The following SPOCK1 variants were observed in gnomAD, a reference collection of about 807,000 sequenced individuals.
SPOCK1 encodes testican-1.
Under a neutral mutation model 55.3 loss-of-function variants are expected in SPOCK1, and 23 were observed. The ratio of observed to expected loss-of-function variants is 0.42; its 90% CI spans 0.30 to 0.59. SPOCK1 has a LOEUF of 0.59. Among genes scored for constraint, SPOCK1 ranks in the 20% least tolerant of loss-of-function variants. SPOCK1 has a pLI of 0.22. For synonymous variants in SPOCK1, 226 were observed against 221.0 expected, an observed-to-expected ratio of 1.02 and a Z score of -0.20; for missense variants, 499 against 552.5, an observed-to-expected ratio of 0.90 and a Z score of 0.97.
chr5:137,318,842 A>G (rs1185720397), intron 2 of SPOCK1, among the ~76,000 whole-genome samples: 1 of 152,192 alleles, frequency 6.6e-6, no homozygotes, highest in Non-Finnish European at 1.5e-5. Flanking sequence ...ATCCCAAGAC[A>G]TGCTGCTGAG....
At chr5:137,488,062 T>C (rs982601798) in intron 2 of SPOCK1, among the ~76,000 whole-genome samples, 3 of 152,210 alleles carry the variant, frequency 2.0e-5, no homozygotes, top group African/African-American at 4.8e-5. Context: ...AAATACAGTC[T>C]GAGAACTACC....
Position 137,198,508 on chromosome 5 carries a change from G to C in SPOCK1, c.233-57814C>G, listed in dbSNP as rs544049804. On this transcript the variant is annotated intron_variant, in intron 3 of 10. Transcript: ENST00000394945. ...TTTCAAAAAATACTGGCTAATAACA[G>C]AAAGATTGTTTCTTGTTGCATTTTT... Among the ~76,000 whole-genome samples the C allele has an allele frequency of 2.0e-5, 3 of 152,320 alleles. No individual in the cohort carries two copies. In the East Asian group the frequency reaches 5.8e-4, roughly 29 times the overall value.
intron 3 of SPOCK1, among the ~76,000 whole-genome samples, chr5:137,230,172 C>T (rs1365321399): frequency 6.6e-6 from 1 of 152,188 alleles, no homozygotes; most frequent in East Asian, 1.9e-4. Flanking sequence ...ACTGAGTGCA[C>T]GTAAGATGCA....
chr5:137,478,403 C>CA (rs1159513900), intron 2 of SPOCK1, among the ~76,000 whole-genome samples: 2 of 151,982 alleles, frequency 1.3e-5, no homozygotes, highest in Admixed American at 6.6e-5. Flanking sequence ...ATTGGTATCC[C>CA]AAAAAGGTGA....
rs1312327781 is a variant in SPOCK1 at position 136,977,499 on chromosome 5, G to A, written c.*1155C>T. The stretch of plus-strand genomic sequence containing the variant: ...AGAAAGGGAGTAAAAGCAAAACATT[G>A]AGTTCAGAATTAGAAATTTTCTTCT... On this transcript the variant is annotated 3_prime_UTR_variant, in exon 11 of 11. Transcript: ENST00000394945. 7.3e-6 allele frequency: 2 copies of A among 273,000 alleles called. No homozygotes were observed. Among genetic ancestry groups the A allele is most frequent in the Non-Finnish European group, 1.4e-5 (2 of 147,360 alleles). The allele number at this position is 273,000 out of a possible 1,614,324, so 16.9% of individuals were successfully genotyped here.
chr5:137,081,327 T>C (rs1752874705), intron 5 of SPOCK1, among the ~76,000 whole-genome samples: 1 of 152,204 alleles, frequency 6.6e-6, no homozygotes, highest in African/African-American at 2.4e-5. Context: ...AGCAGATTTT[T>C]AAAGTGATAG....
intron 3 of SPOCK1, among the ~76,000 whole-genome samples, chr5:137,152,013 G>T (rs776392483): frequency 2.1e-4 from 32 of 152,072 alleles, no homozygotes; most frequent in Non-Finnish European, 4.3e-4. Flanking sequence ...GGTTCCCAAG[G>T]TTATTAAATT....
intron 6 of SPOCK1, among the ~76,000 whole-genome samples, chr5:137,019,165 T>C (rs1056062179): frequency 6.6e-6 from 1 of 152,192 alleles, no homozygotes; most frequent in African/African-American, 2.4e-5. Flanking sequence ...TAAAATCATT[T>C]TGATTATGGG....
intron 5 of SPOCK1, among the ~76,000 whole-genome samples, chr5:137,086,002 A>C (rs1285969491): frequency 6.6e-6 from 1 of 152,196 alleles, no homozygotes; most frequent in African/African-American, 2.4e-5. Context: ...ACTAGAGGTA[A>C]TAGTACCTAT....
intron 2 of SPOCK1, among the ~76,000 whole-genome samples, chr5:137,462,898 G>C (rs1030143983): frequency 6.6e-6 from 1 of 152,172 alleles, no homozygotes. Flanking sequence ...GCTTCACTGA[G>C]AACAGCAAGT....
intron 8 of SPOCK1, among the ~76,000 whole-genome samples, chr5:136,987,289 T>C (rs1302082299): frequency 6.6e-6 from 1 of 151,956 alleles, no homozygotes; most frequent in Non-Finnish European, 1.5e-5. Flanking sequence ...TGGGAAAAAA[T>C]ATTTACAATA....
At chr5:137,327,279 A>G (rs778817974) in intron 2 of SPOCK1, among the ~76,000 whole-genome samples, 1 of 152,248 alleles carries the variant, frequency 6.6e-6, no homozygotes, top group Non-Finnish European at 1.5e-5. Context: ...TGTAGTTATT[A>G]TCATTGGGTA....
At chr5:137,464,710 CA>C (rs1323755488) in intron 2 of SPOCK1, among the ~76,000 whole-genome samples, 11 of 152,084 alleles carry the variant, frequency 7.2e-5, no homozygotes, top group Non-Finnish European at 1.5e-4. Flanking sequence ...AAGAGGAACT[CA>C]GGTCTGCACA....
intron 6 of SPOCK1, among the ~76,000 whole-genome samples, chr5:137,035,731 C>CTG (rs558290108): frequency 2.0e-3 from 310 of 152,314 alleles, no homozygotes; most frequent in Admixed American, 3.1e-3. Context: ...CAAGCTGGAG[C>CTG]TGTGGTGGGG....
In SPOCK1 at chr5:137,190,554, G is replaced by A. The variant is rs145831183; in HGVS notation, c.233-49860C>T. ...ATATAACTTTTATATGCACTGGGAA[G>A]TAAAAAATGTGTGTGACTCACTTTA... On this transcript the variant is annotated intron_variant, in intron 3 of 10. Coordinates refer to ENST00000394945, the MANE Select transcript of SPOCK1 (RefSeq NM_004598.4). 3.6e-3 allele frequency among the ~76,000 whole-genome samples: 547 copies of A among 152,266 alleles called. 1 individual carries two copies. The highest frequency in any genetic ancestry group is 6.6e-3 in the South Asian group (32 of 4,822).
At chr5:136,981,836 C>T (rs1335270382) in intron 9 of SPOCK1, among the ~76,000 whole-genome samples, 1 of 152,172 alleles carries the variant, frequency 6.6e-6, no homozygotes, top group Non-Finnish European at 1.5e-5. Flanking sequence ...TTCTGAAAAC[C>T]ACTGTGGCTA....
intron 6 of SPOCK1, among the ~76,000 whole-genome samples, chr5:137,007,770 C>T (rs1048010950): frequency 6.6e-6 from 1 of 152,070 alleles, no homozygotes; most frequent in African/African-American, 2.4e-5. Context: ...ACCATTTGAC[C>T]CAGCAATCTC....
At position 137,022,567 on chromosome 5, in the gene SPOCK1, T is replaced by A. The variant is rs146800275; in HGVS notation, c.590-29967A>T. On this transcript the variant is annotated intron_variant, in intron 6 of 10. Transcript: ENST00000394945. Reference sequence around the variant, plus strand: ...GTAGAGGAAAGAGGATATAGAATATTACACTCATGCAAGACGCCCAGGATG... The same window carrying A: ...GTAGAGGAAAGAGGATATAGAATATAACACTCATGCAAGACGCCCAGGATG... Among the ~76,000 whole-genome samples the A allele has an allele frequency of 1.3e-3, 191 of 152,302 alleles. 1 individual carries two copies. Among genetic ancestry groups the A allele is most frequent in the African/African-American group, 4.3e-3 (178 of 41,560 alleles).
At chr5:137,443,699 A>G (rs1046914284) in intron 2 of SPOCK1, among the ~76,000 whole-genome samples, 1 of 152,188 alleles carries the variant, frequency 6.6e-6, no homozygotes, top group Non-Finnish European at 1.5e-5. Context: ...CCATGGGTTC[A>G]CCAACGGCTG....
Sources: gnomAD v4.1 joint callset for allele counts (sites outside exome capture counted in the v4.1 genomes callset) on GRCh38, gnomAD v4.1.1 for gene constraint, MANE v1.5 for transcripts, NCBI Gene and HGNC (gene_info 2026-07-23, HGNC 2026-07-21) for gene names.